The following THUMPD2 variants were observed in gnomAD, a reference collection of about 807,000 sequenced individuals.
THUMPD2 encodes U6 snRNA (guanine-N(2))-methyltransferase THUMPD2.
THUMPD2 carries 56 observed loss-of-function variants against 49.4 expected under a neutral mutation model. That is an observed-to-expected ratio of 1.13 (90% confidence interval 0.91 to 1.41). The LOEUF (loss-of-function observed/expected upper bound fraction) is 1.41. Among genes scored for constraint, THUMPD2 ranks in the 40% most tolerant of loss-of-function variants. The pLI is 0.00. For synonymous variants in THUMPD2, 237 were observed against 205.2 expected, an observed-to-expected ratio of 1.15 and a Z score of -1.32; for missense variants, 709 against 594.5, an observed-to-expected ratio of 1.19 and a Z score of -2.00.
At chr2:39,750,349 G>C (rs7581406) in intron 8 of THUMPD2, among the ~76,000 whole-genome samples, 4,016 of 152,170 alleles carry the variant, frequency 0.026, 194 homozygotes, top group African/African-American at 0.092. Flanking sequence ...CTAATGATCA[G>C]TGATGTTGAG....
Position 39,769,806 on chromosome 2 carries a change from G to C in THUMPD2, c.576C>G (p.Asp192Glu), listed in dbSNP as rs770485171. The change falls in exon 3 of 10, where the codon GAC (aspartate) becomes GAG (glutamate). Residue 192 changes from aspartate to glutamate, a missense_variant. Physicochemically the swap from Asp to Glu is conservative, Grantham distance 45 (BLOSUM62 2). Coordinates refer to ENST00000505747, the MANE Select transcript of THUMPD2 (RefSeq NM_025264.5). ...EKFQEEEFQN[D>E]IEKAIDTHNQ... ...TATGAGTATCAATTGCTTTCTCTAT[G>C]TCATTCTGAAATTCTTCTTCTTGAA... 3 of 1,611,486 alleles carry C rather than the reference G, an allele frequency of 1.9e-6. No individual in the cohort carries two copies. The South Asian group carries it at 3.3e-5, about 18-fold the overall frequency.
rs141613054 is a variant in THUMPD2, at chr2:39,752,272, A to AT, written c.1078+3022dup. 9.1e-3 allele frequency among the ~76,000 whole-genome samples: 1,380 copies of AT among 152,300 alleles called. 19 individuals are homozygous for AT. The highest frequency in any genetic ancestry group is 0.032 in the African/African-American group (1,314 of 41,562). ...ATGGAGTGGTATTATTATAATCTTC[A>AT]TATTACAGATGAGAAAATAAAGAGA... is the stretch of plus-strand genomic sequence containing the variant. On this transcript the variant is annotated intron_variant, in intron 8 of 9. Coordinates refer to ENST00000505747, the MANE Select transcript of THUMPD2 (RefSeq NM_025264.5).
chr2:39,736,967 T>G lies in THUMPD2; in HGVS notation c.1280A>C (p.Asn427Thr). The change falls in exon 10 of 10, where the codon AAT (asparagine) becomes ACT (threonine). Residue 427 changes from asparagine (N) to threonine (T), a missense_variant. By Grantham distance (65) the Asn-to-Thr change is moderately conservative. Transcript: ENST00000505747. Reference sequence around the variant, plus strand: ...TTCATCTGTGTGACTGTCCTTGGAATTGAAAGGGATGTTGCTCTCTTTACA... The same window carrying G: ...TTCATCTGTGTGACTGTCCTTGGAAGTGAAAGGGATGTTGCTCTCTTTACA... ...TDCKESNIPF[N>T]SKDSHTDEPG... 1 of 1,614,136 alleles carries G rather than the reference T, an allele frequency of 6.2e-7. No homozygotes were observed. Among genetic ancestry groups the G allele is most frequent in the Non-Finnish European group, 8.5e-7 (1 of 1,180,012 alleles).
intron 8 of THUMPD2, among the ~76,000 whole-genome samples, chr2:39,753,317 C>T (rs1024579733): frequency 5.3e-5 from 8 of 152,158 alleles, no homozygotes; most frequent in Non-Finnish European, 1.2e-4. Context: ...AAGCAGCTGA[C>T]ACAGCTGATC....
chr2:39,741,549 C>A (rs562636498), intron 9 of THUMPD2, among the ~76,000 whole-genome samples: 1 of 152,166 alleles, frequency 6.6e-6, no homozygotes. Context: ...TGTATTTGCA[C>A]AGTTACATTT....
intron 1 of THUMPD2, among the ~76,000 whole-genome samples, chr2:39,774,185 A>ACACACTTTTAAATGAC (rs1678763048): frequency 6.6e-6 from 1 of 152,262 alleles, no homozygotes; most frequent in Non-Finnish European, 1.5e-5. Context: ...AGCTGCCAAG[A>ACACACTTTTAAATGAC]TAGGATCTGG....
chr2:39,765,788 T>A (rs1677437218), intron 5 of THUMPD2, among the ~76,000 whole-genome samples: 1 of 152,144 alleles, frequency 6.6e-6, no homozygotes, highest in South Asian at 2.1e-4. Context: ...TGAAAACCAT[T>A]TAATAATAGA....
chr2:39,769,526 AC>A (rs1678025578), intron 3 of THUMPD2, 183 bp downstream of exon 3: 1 of 514,482 alleles, frequency 1.9e-6, no homozygotes, highest in East Asian at 3.5e-5. Context: ...ATATGGTGAA[AC>A]CCTGTCTCTA....
Position 39,768,413 on chromosome 2 carries a change from A to ATAC in THUMPD2, c.750+8_750+10dup. 1 of 1,600,642 alleles carries ATAC rather than the reference A, an allele frequency of 6.2e-7. No homozygotes were observed. Among genetic ancestry groups the ATAC allele is most frequent in the Non-Finnish European group, 8.5e-7 (1 of 1,170,482 alleles). ...GTTACAAGTATATAAAATAAAACAAATACTCATTACCTCTAATTGTGGATT... is the reference window on the plus strand; with the variant it reads ...GTTACAAGTATATAAAATAAAACAAATACTACTCATTACCTCTAATTGTGGATT... On this transcript the variant is annotated intron_variant, in intron 4 of 9. Coordinates refer to ENST00000505747, the MANE Select transcript of THUMPD2 (RefSeq NM_025264.5).
At chr2:39,741,362 C>G (rs1173122591) in intron 9 of THUMPD2, among the ~76,000 whole-genome samples, 1 of 152,200 alleles carries the variant, frequency 6.6e-6, no homozygotes, top group African/African-American at 2.4e-5. Flanking sequence ...ACTGCTCACT[C>G]AAGAAATACT....
chr2:39,751,771 A>C (rs1261758432), intron 8 of THUMPD2, among the ~76,000 whole-genome samples: 4 of 139,276 alleles, frequency 2.9e-5, no homozygotes, highest in Non-Finnish European at 6.0e-5. Flanking sequence ...TGCAACCTTC[A>C]CCTCTTAGGT....
chr2:39,775,907 C>T (rs550838329), intron 1 of THUMPD2, among the ~76,000 whole-genome samples: 2 of 152,076 alleles, frequency 1.3e-5, no homozygotes, highest in South Asian at 4.1e-4. Context: ...CTATTACCCT[C>T]GACTGTGATG....
chr2:39,773,350 A>T (rs1678592243), intron 1 of THUMPD2, among the ~76,000 whole-genome samples: 1 of 151,948 alleles, frequency 6.6e-6, no homozygotes, highest in Non-Finnish European at 1.5e-5. Flanking sequence ...CTGAAAATGT[A>T]TGATTTTAAG....
chr2:39,768,689 G>T (rs555494788), intron 3 of THUMPD2, 188 bp from the exon 4 acceptor site: 7 of 674,950 alleles, frequency 1.0e-5, no homozygotes, highest in Non-Finnish European at 1.7e-5. Context: ...TATTTTACCT[G>T]CCCTAGCCCC....
chr2:39,768,217 G>C (rs1054197442), intron 4 of THUMPD2, among the ~76,000 whole-genome samples: 3 of 151,816 alleles, frequency 2.0e-5, no homozygotes, highest in Non-Finnish European at 2.9e-5. Flanking sequence ...ATCTTTTTTT[G>C]GAGTTTGCAT....
At chr2:39,746,894 T>C (rs72805044) in intron 8 of THUMPD2, among the ~76,000 whole-genome samples, 1,828 of 152,262 alleles carry the variant, frequency 0.012, 18 homozygotes, top group Middle Eastern at 0.048. Flanking sequence ...TCTTTCTGTT[T>C]ATTGTCCAGG....
At chr2:39,773,621 T>A (rs1558542973) in intron 1 of THUMPD2, among the ~76,000 whole-genome samples, 3 of 67,988 alleles carry the variant, frequency 4.4e-5, no homozygotes, top group African/African-American at 1.6e-4. Context: ...ATATATATAT[T>A]TATATTTTAA....
chr2:39,746,882 GTTCT>G (rs60185507), intron 8 of THUMPD2, among the ~76,000 whole-genome samples: 9,354 of 151,986 alleles, frequency 0.062, 486 homozygotes, highest in African/African-American at 0.14. Context: ...TTTGTTCCTT[GTTCT>G]TTCTGTTTAT....
chr2:39,773,504 C>T lies in THUMPD2; in HGVS notation c.127-1864G>A, dbSNP rs547598478. ...CAAACATCAAGGGAAGCATTTTATC[C>T]GATGAGCTTTCTCTAACACACACAC... is the stretch of plus-strand genomic sequence containing the variant. On this transcript the variant is annotated intron_variant, in intron 1 of 9. Coordinates refer to ENST00000505747, the MANE Select transcript of THUMPD2 (RefSeq NM_025264.5). Among the ~76,000 whole-genome samples the T allele has an allele frequency of 5.5e-5, 8 of 145,922 alleles. 1 individual carries two copies. The highest frequency in any genetic ancestry group is 4.4e-4 in the South Asian group (2 of 4,576).
Sources: gnomAD v4.1 joint callset for allele counts (sites outside exome capture counted in the v4.1 genomes callset) on GRCh38, gnomAD v4.1.1 for gene constraint, MANE v1.5 for transcripts, NCBI Gene and HGNC (gene_info 2026-07-23, HGNC 2026-07-21) for gene names.